The following CABIN1 variants were observed in gnomAD, a reference collection of about 807,000 sequenced individuals.
The protein encoded by CABIN1 is calcineurin binding protein 1.
CABIN1 carries 133 observed loss-of-function variants against 227.7 expected under a neutral mutation model. That is an observed-to-expected ratio of 0.58 (90% CI 0.51 to 0.67). The LOEUF (loss-of-function observed/expected upper bound fraction) is 0.67. CABIN1 is among the 30% of genes least tolerant of loss of function. The probability of loss-of-function intolerance (pLI) is 0.00; values close to 1 mark genes in which losing one functional copy is unlikely to be tolerated. For missense variants in CABIN1, 2,408 were observed against 2,852.5 expected (o/e 0.84, Z 3.55); for synonymous variants, 1,086 against 1,155.1 (o/e 0.94, Z 1.21).
rs1051120810 is a variant in CABIN1 at position 24,177,412 on chromosome 22, C to T, written c.6206-92C>T. 2 of 1,154,764 alleles carry T rather than the reference C, an allele frequency of 1.7e-6. No homozygotes were observed. Among genetic ancestry groups the T allele is most frequent in the Non-Finnish European group, 2.4e-6 (2 of 820,466 alleles). The allele number at this position is 1,154,764 out of a possible 1,614,324, so 71.5% of individuals were successfully genotyped here. A position where few individuals can be genotyped will look rare whatever the true frequency, so the allele number is the denominator to read the frequency against. On this transcript the variant is annotated intron_variant, in intron 35 of 36. Coordinates refer to ENST00000263119, the MANE Select transcript of CABIN1 (RefSeq NM_012295.4). The surrounding 1 kb of genome is among the most constrained non-coding windows in gnomAD (Gnocchi z 4.4). ...AGCACAAACTACACAGCATAAAGGC[C>T]CAGGACCTGGGGGGAGCGGGTGGGG...
chr22:24,037,839 T>C (rs2037042441), intron 3 of CABIN1, among the ~76,000 whole-genome samples: 1 of 152,180 alleles, frequency 6.6e-6, no homozygotes, highest in Admixed American at 6.5e-5. Flanking sequence ...ATACCTACAC[T>C]TCTGTCCAGC....
intron 1 of CABIN1, among the ~76,000 whole-genome samples, chr22:24,026,441 T>A (rs1301116001): frequency 1.3e-5 from 2 of 152,224 alleles, no homozygotes; most frequent in Non-Finnish European, 2.9e-5. Context: ...GGGTTGTGTT[T>A]TTTTGTGTTG....
chr22:24,174,973 C>T (rs1283198696), intron 34 of CABIN1, among the ~76,000 whole-genome samples: 1 of 152,192 alleles, frequency 6.6e-6, no homozygotes, highest in East Asian at 1.9e-4. Flanking sequence ...AGACTGCCTG[C>T]TTTCCCTCTG....
intron 29 of CABIN1, among the ~76,000 whole-genome samples, chr22:24,148,823 G>T (rs1033302915): frequency 1.5e-4 from 23 of 152,242 alleles, no homozygotes; most frequent in African/African-American, 4.6e-4. Flanking sequence ...AGCAGGCCGG[G>T]TGTGAGCCCA....
intron 15 of CABIN1, among the ~76,000 whole-genome samples, chr22:24,065,428 C>T (rs1210820281): frequency 1.3e-5 from 2 of 151,608 alleles, no homozygotes; most frequent in Non-Finnish European, 2.9e-5. Context: ...CAGAGGCGCT[C>T]CCCACATCTC....
At chr22:24,054,444 T>C (rs954504303) in intron 8 of CABIN1, among the ~76,000 whole-genome samples, 6 of 152,228 alleles carry the variant, frequency 3.9e-5, no homozygotes, top group Non-Finnish European at 7.3e-5. Flanking sequence ...ACCATGTCCC[T>C]GTTGGCAGTC....
chr22:24,054,942 C>A lies in CABIN1; in HGVS notation c.876C>A (p.Pro292=). 6.2e-7 allele frequency: 1 copy of A among 1,614,222 alleles called. No individual in the cohort carries two copies. The highest frequency in any genetic ancestry group is 8.5e-7 in the Non-Finnish European group (1 of 1,180,044). ...NHLTTCEPPR[P]SLGKRIDLSD... is the part of the protein sequence containing the mutation. The stretch of plus-strand genomic sequence containing the variant: ...TCACCACCTGTGAGCCCCCACGTCC[C>A]AGCCTTGGCAAAAGGATTGATTTGT... Residue 292 remains proline, a synonymous_variant, in exon 9 of 37, where the codon CCC becomes CCA. Coordinates refer to ENST00000263119, the MANE Select transcript of CABIN1 (RefSeq NM_012295.4).
Position 24,167,089 on chromosome 22 carries a change from C to G in CABIN1, c.5458C>G (p.Pro1820Ala). Residue 1820 changes from proline to alanine, a missense_variant, in exon 32 of 37, where the codon CCC becomes GCC. This residue lies in a region of CABIN1 where 714 missense variants were observed against 773.8 expected (regional missense o/e 0.92). Transcript: ENST00000263119. ...CCCGCTCACCCCAGCCCAGCCAGCC[C>G]CCGCCCCCGCCCCCGCCACCACCAC... The part of the protein sequence containing the change: ...PTPLTPAQPA[P>A]APAPATTTGT... 6.5e-7 allele frequency: 1 copy of G among 1,544,338 alleles called. No homozygotes were observed. The highest frequency in any genetic ancestry group is 8.7e-7 in the Non-Finnish European group (1 of 1,144,746).
At chr22:24,120,797 A>C (rs926127370) in intron 28 of CABIN1, among the ~76,000 whole-genome samples, 1 of 152,258 alleles carries the variant, frequency 6.6e-6, no homozygotes, top group African/African-American at 2.4e-5. Flanking sequence ...TGGGCAACAG[A>C]GCGAGACTCA....
At chr22:24,043,307 CTTTTTTTTTTTTT>C (rs745547509) in intron 6 of CABIN1, among the ~76,000 whole-genome samples, 2 of 71,126 alleles carry the variant, frequency 2.8e-5, no homozygotes, top group Non-Finnish European at 5.4e-5. Context: ...AATGATTTTA[CTTTTTTTTTTTTT>C]TTTTTTTTTT....
At chr22:24,157,065 T>TG (rs2045873906) in intron 29 of CABIN1, among the ~76,000 whole-genome samples, 1 of 151,886 alleles carries the variant, frequency 6.6e-6, no homozygotes, top group Admixed American at 6.5e-5. Context: ...GACCGCGTTG[T>TG]GGGGGGTGGG....
intron 6 of CABIN1, among the ~76,000 whole-genome samples, chr22:24,045,607 CA>C (rs71320746): frequency 0.026 from 3,494 of 136,996 alleles, 130 homozygotes; most frequent in African/African-American, 0.078. Context: ...GACTCTGCCT[CA>C]AAAAAAAAAA....
chr22:24,078,792 A>G (rs916741153), intron 19 of CABIN1, among the ~76,000 whole-genome samples: 5 of 152,186 alleles, frequency 3.3e-5, no homozygotes, highest in Admixed American at 3.3e-4. Context: ...TTCTGATAAA[A>G]ATAAGAGTTA....
chr22:24,139,947 C>A (rs904581527), intron 29 of CABIN1, among the ~76,000 whole-genome samples: 14 of 152,256 alleles, frequency 9.2e-5, no homozygotes, highest in African/African-American at 2.4e-5. Context: ...ATGCTCAAGG[C>A]TGACAGTAGA....
At chr22:24,096,461 T>G (rs1215555781) in intron 25 of CABIN1, among the ~76,000 whole-genome samples, 1 of 152,206 alleles carries the variant, frequency 6.6e-6, no homozygotes, top group East Asian at 1.9e-4. Context: ...TGCCAAGGCC[T>G]TGTCTGCTGC....
At position 24,164,341 on chromosome 22, in the gene CABIN1, G is replaced by A. The variant is rs1352347327; in HGVS notation, c.4747-59G>A. 2.5e-6 allele frequency: 4 copies of A among 1,587,048 alleles called. No homozygotes were observed. The African/African-American group carries it at 4.0e-5, about 16-fold the overall frequency. ...GTTTCCAGGGGATACCAGACAGGGTGTCCCCGAGGCTCCTGCCACAACCAC... is the reference window on the plus strand; with the variant it reads ...GTTTCCAGGGGATACCAGACAGGGTATCCCCGAGGCTCCTGCCACAACCAC... On this transcript the variant is annotated intron_variant, in intron 29 of 36. Transcript: ENST00000263119.
At chr22:24,131,768 A>G (rs1255797549) in intron 28 of CABIN1, among the ~76,000 whole-genome samples, 2 of 152,134 alleles carry the variant, frequency 1.3e-5, no homozygotes, top group Non-Finnish European at 2.9e-5. Flanking sequence ...CTGTGGTATT[A>G]GAAGTGCAGG....
At chr22:24,120,175 TC>T (rs1166558466) in intron 28 of CABIN1, among the ~76,000 whole-genome samples, 1 of 152,210 alleles carries the variant, frequency 6.6e-6, no homozygotes. Flanking sequence ...TGCAGGGGCC[TC>T]CTCACCATAC....
intron 6 of CABIN1, among the ~76,000 whole-genome samples, chr22:24,046,337 G>A (rs1415515411): frequency 6.6e-6 from 1 of 152,128 alleles, no homozygotes; most frequent in Non-Finnish European, 1.5e-5. Flanking sequence ...TCTTGTATAT[G>A]TCTTTTAGTG....
Sources: gnomAD v4.1 joint callset for allele counts (sites outside exome capture counted in the v4.1 genomes callset) on GRCh38, gnomAD v4.1.1 for gene constraint, gnomAD v4.1.1 regional missense constraint, Gnocchi (gnomAD v3.1) non-coding constraint, MANE v1.5 for transcripts, NCBI Gene and HGNC (gene_info 2026-07-23, HGNC 2026-07-21) for gene names.